Variants in NBAS observed in about 807,000 individuals in gnomAD.
The protein encoded by NBAS is NAG/BC035112 fusion.
Under a neutral mutation model 302.5 loss-of-function variants are expected in NBAS, and 219 were observed. The ratio of observed to expected loss-of-function variants is 0.72; its 90% CI spans 0.65 to 0.81. The LOEUF (loss-of-function observed/expected upper bound fraction) is 0.81. Among genes scored for constraint, NBAS ranks in the 30% least tolerant of loss-of-function variants. The probability of loss-of-function intolerance (pLI) is 0.00; values close to 1 mark genes in which losing one functional copy is unlikely to be tolerated. For synonymous variants in NBAS, 1,118 were observed against 1,021.6 expected, an observed-to-expected ratio of 1.09 and a Z score of -1.80; for missense variants, 2,932 against 2,841.6, an observed-to-expected ratio of 1.03 and a Z score of -0.72.
intron 48 of NBAS, among the ~76,000 whole-genome samples, chr2:15,207,629 A>G (rs926690551): frequency 3.9e-5 from 6 of 152,170 alleles, no homozygotes; most frequent in Non-Finnish European, 7.3e-5. Context: ...TGACTGAATC[A>G]TGGGGGTGGA....
chr2:15,368,837 T>C (rs1014950461), intron 31 of NBAS, among the ~76,000 whole-genome samples: 6 of 152,206 alleles, frequency 3.9e-5, no homozygotes, highest in Admixed American at 6.5e-5. Context: ...TCCCTTCTAC[T>C]GTGACAAGAC....
chr2:14,981,513 C>G, the NBAS span, among the ~76,000 whole-genome samples: 2 of 152,206 alleles, frequency 1.3e-5, no homozygotes, highest in African/African-American at 4.8e-5. Flanking sequence ...AGCTATTCGT[C>G]AGAAATTATA....
chr2:15,331,409 G>T (rs1672343467), intron 35 of NBAS, among the ~76,000 whole-genome samples: 1 of 152,148 alleles, frequency 6.6e-6, no homozygotes, highest in African/African-American at 2.4e-5. Context: ...AAACAGAAAG[G>T]ATGAAGACCA....
At chr2:15,126,091 G>A in the NBAS span, among the ~76,000 whole-genome samples, 63 of 152,156 alleles carry the variant, frequency 4.1e-4, no homozygotes, top group Non-Finnish European at 6.0e-4. Context: ...GATCCCTCAT[G>A]AATGACTTAG....
the NBAS span, among the ~76,000 whole-genome samples, chr2:15,126,273 C>T: frequency 9.2e-5 from 14 of 152,150 alleles, no homozygotes; most frequent in Non-Finnish European, 1.9e-4. Context: ...AGGCCCTCAC[C>T]CAAAGCAGTT....
chr2:15,242,047 C>T (rs917835679), intron 44 of NBAS, among the ~76,000 whole-genome samples: 2 of 152,160 alleles, frequency 1.3e-5, no homozygotes, highest in Non-Finnish European at 2.9e-5. Context: ...TCAATCTAGC[C>T]TCTACAAGCA....
the NBAS span, among the ~76,000 whole-genome samples, chr2:14,937,243 A>G: frequency 1.3e-5 from 2 of 152,180 alleles, no homozygotes; most frequent in Non-Finnish European, 2.9e-5. Context: ...GTAGATTGTT[A>G]CAAGTACAGA....
chr2:15,536,321 TAGACAG>T (rs962238170), intron 8 of NBAS, 91 bp downstream of exon 8: 2 of 1,431,956 alleles, frequency 1.4e-6, no homozygotes, highest in Non-Finnish European at 1.9e-6. Flanking sequence ...TTTTTCATAA[TAGACAG>T]AAAGCAAAAA....
At chr2:15,383,379 C>T in intron 28 of NBAS, 62 bp from the exon 29 acceptor site, 1 of 1,504,346 alleles carries the variant, frequency 6.6e-7, no homozygotes, top group South Asian at 1.1e-5. Context: ...TCTCTTTCTT[C>T]AAATGATCTA....
the NBAS span, among the ~76,000 whole-genome samples, chr2:15,147,183 G>A: frequency 2.0e-5 from 3 of 152,178 alleles, no homozygotes; most frequent in African/African-American, 7.2e-5. Flanking sequence ...TTGTATTCAA[G>A]AAAAGGAGAA....
At chr2:15,267,337 A>C (rs1217953562) in intron 44 of NBAS, among the ~76,000 whole-genome samples, 2 of 152,238 alleles carry the variant, frequency 1.3e-5, no homozygotes, top group East Asian at 3.8e-4. Flanking sequence ...CCAGAATCAA[A>C]GGAGTCAAAC....
At chr2:15,000,453 A>G in the NBAS span, among the ~76,000 whole-genome samples, 2 of 152,242 alleles carry the variant, frequency 1.3e-5, no homozygotes, top group African/African-American at 2.4e-5. Flanking sequence ...GAATGCAGGA[A>G]CACAAATCTG....
At chr2:14,957,930 A>G in the NBAS span, among the ~76,000 whole-genome samples, 6 of 152,154 alleles carry the variant, frequency 3.9e-5, no homozygotes, top group Non-Finnish European at 7.3e-5. Flanking sequence ...CATCTAGTAA[A>G]TGGCAGATTT....
At chr2:15,342,291 A>G (rs1434433287) in intron 35 of NBAS, among the ~76,000 whole-genome samples, 1 of 152,132 alleles carries the variant, frequency 6.6e-6, no homozygotes, top group Non-Finnish European at 1.5e-5. Flanking sequence ...CACAATAAAT[A>G]AATAAAATAA....
chr2:15,202,103 G>A (rs1329102326), intron 48 of NBAS, among the ~76,000 whole-genome samples: 1 of 152,106 alleles, frequency 6.6e-6, no homozygotes, highest in Non-Finnish European at 1.5e-5. Context: ...TCTCTCCTAG[G>A]GCACTGCAAA....
At chr2:15,297,193 C>T (rs1224600120) in intron 40 of NBAS, among the ~76,000 whole-genome samples, 2 of 152,172 alleles carry the variant, frequency 1.3e-5, no homozygotes, top group Admixed American at 1.3e-4. Flanking sequence ...GATCTAAGGC[C>T]TTTAAGCTGG....
intron 21 of NBAS, among the ~76,000 whole-genome samples, chr2:15,447,290 T>C (rs971345737): frequency 6.6e-6 from 1 of 152,206 alleles, no homozygotes; most frequent in Non-Finnish European, 1.5e-5. Context: ...CTTTAAATTG[T>C]TTTTAAAAGT....
chr2:15,420,170 G>A (rs1026771513), intron 23 of NBAS, among the ~76,000 whole-genome samples: 1 of 152,108 alleles, frequency 6.6e-6, no homozygotes, highest in African/African-American at 2.4e-5. Context: ...ATGAGCCCTA[G>A]GAGAAGAGTA....
the NBAS span, among the ~76,000 whole-genome samples, chr2:14,989,553 G>A: frequency 6.6e-5 from 10 of 151,536 alleles, no homozygotes; most frequent in South Asian, 2.1e-4. Context: ...GTGAGACACC[G>A]TCTCAAAAAA....
Sources: gnomAD v4.1 joint callset for allele counts (sites outside exome capture counted in the v4.1 genomes callset) on GRCh38, gnomAD v4.1.1 for gene constraint, MANE v1.5 for transcripts, NCBI Gene and HGNC (gene_info 2026-07-23, HGNC 2026-07-21) for gene names.